Variants in EFCC1 observed in about 807,000 individuals in gnomAD.
The protein encoded by EFCC1 is EF-hand and coiled-coil domain-containing protein 1.
EFCC1 carries 50 observed loss-of-function variants against 52.1 expected under a neutral mutation model. The observed-to-expected ratio is 0.96, with a 90% CI of 0.76 to 1.21. EFCC1 has a LOEUF of 1.21. EFCC1 is among the 50% of genes most tolerant of loss of function. The pLI is 0.00. For synonymous variants in EFCC1, 399 were observed against 396.5 expected (o/e 1.01, Z -0.08); for missense variants, 837 against 867.3 (o/e 0.97, Z 0.44).
chr3:129,038,761 C>T, intron 6 of EFCC1, 70 bp from the exon 7 acceptor site: 1 of 1,509,858 alleles, frequency 6.6e-7, no homozygotes, highest in Non-Finnish European at 9.2e-7. Context: ...GTAGGGGCCA[C>T]CAGTTCCCAT....
chr3:129,033,431 C>G (rs1250315017), intron 4 of EFCC1, among the ~76,000 whole-genome samples: 5 of 152,300 alleles, frequency 3.3e-5, no homozygotes, highest in Admixed American at 2.6e-4. Context: ...TTCTCCGAAC[C>G]TCAGTCTTCT....
chr3:129,031,604 C>T (rs776074120), intron 3 of EFCC1, among the ~76,000 whole-genome samples: 9 of 152,168 alleles, frequency 5.9e-5, no homozygotes, highest in African/African-American at 1.7e-4. Context: ...CAGCCCAAAC[C>T]GGCTTAAGTT....
chr3:129,034,409 A>T (rs917599701), intron 5 of EFCC1, 80 bp downstream of exon 5: 2 of 1,492,514 alleles, frequency 1.3e-6, no homozygotes, highest in Non-Finnish European at 1.8e-6. Context: ...ATTGCAGCCA[A>T]GTCTTGTGCC....
chr3:129,039,585 A>G, intron 7 of EFCC1, 127 bp from the exon 8 acceptor site: 16 of 1,413,562 alleles, frequency 1.1e-5, no homozygotes, highest in Non-Finnish European at 1.4e-5. Flanking sequence ...AGAGCGAGGA[A>G]GCTGGGCAGG....
chr3:129,010,472 G>A lies in EFCC1; in HGVS notation c.980+6395G>A, dbSNP rs1945273276. ...GCCTGGCGGCCTGGCCTCTGGCTTT[G>A]TTGTTGGGGGAGGGTGAAAAGGCTG... On this transcript the variant is annotated intron_variant, in intron 2 of 7. Transcript: ENST00000683648. This position sits in a 1 kb window ranked among gnomAD's most constrained non-coding sequence, Gnocchi z 4.3. Among the ~76,000 whole-genome samples the A allele has an allele frequency of 6.7e-6, 1 of 148,470 alleles. No homozygotes were observed. Among genetic ancestry groups the A allele is most frequent in the Non-Finnish European group, 1.5e-5 (1 of 67,128 alleles).
intron 2 of EFCC1, among the ~76,000 whole-genome samples, chr3:129,009,754 C>T (rs1243095368): frequency 1.3e-5 from 2 of 152,200 alleles, no homozygotes; most frequent in South Asian, 4.1e-4. Context: ...CCTGTGGCAG[C>T]TCAAGACTGT....
In EFCC1 at chr3:129,003,908, G is replaced by T. The variant is rs986963883; in HGVS notation, c.811G>T (p.Ala271Ser). Residue 271 changes from alanine (A) to serine (S), a missense_variant, in exon 2 of 8, where the codon GCT (alanine) becomes TCT (serine). Coordinates refer to ENST00000683648, the MANE Select transcript of EFCC1 (RefSeq NM_001377500.1). ...CGCCCTGGCTGCGGCGGAGGCCCGCGCTGGGCGGCTGCGCCGTGGCCAGGC... is the reference window on the plus strand; with the variant it reads ...CGCCCTGGCTGCGGCGGAGGCCCGCTCTGGGCGGCTGCGCCGTGGCCAGGC... The part of the protein sequence containing the change: ...QGALAAAEAR[A>S]GRLRRGQAEV... 3.0e-6 allele frequency: 4 copies of T among 1,351,148 alleles called. No individual in the cohort carries two copies. Among genetic ancestry groups the T allele is most frequent in the Admixed American group, 3.7e-5 (1 of 27,366 alleles). The allele number at this position is 1,351,148 out of a possible 1,614,324, so 83.7% of individuals were successfully genotyped here.
intron 2 of EFCC1, among the ~76,000 whole-genome samples, chr3:129,023,179 G>T (rs1340092405): frequency 1.3e-5 from 2 of 152,230 alleles, no homozygotes; most frequent in Non-Finnish European, 2.9e-5. Context: ...GCAGAGGTTT[G>T]GGGAGCTCAG....
chr3:129,037,959 G>C (rs1333302618), intron 6 of EFCC1, among the ~76,000 whole-genome samples: 1 of 152,014 alleles, frequency 6.6e-6, no homozygotes, highest in Non-Finnish European at 1.5e-5. Context: ...AGCTACTTGG[G>C]AGGCTGAGGT....
chr3:129,024,646 A>G (rs1316663061), intron 2 of EFCC1, among the ~76,000 whole-genome samples: 1 of 152,180 alleles, frequency 6.6e-6, no homozygotes, highest in Non-Finnish European at 1.5e-5. Context: ...GCACCGTTCC[A>G]GGGAAGAAGG....
chr3:129,020,741 G>A (rs1261656021), intron 2 of EFCC1, among the ~76,000 whole-genome samples: 3 of 152,204 alleles, frequency 2.0e-5, no homozygotes. Context: ...ACAGACACAG[G>A]CCAGATGCCC....
In EFCC1 at chr3:129,023,441, G is replaced by A. The variant is rs12107669; in HGVS notation, c.981-7262G>A. Among the ~76,000 whole-genome samples the A allele has an allele frequency of 5.9e-3, 889 of 151,910 alleles. 13 individuals are homozygous for A. The highest frequency in any genetic ancestry group is 0.02 in the African/African-American group (844 of 41,424). ...CCTCCTGGGTTCACGGCATTCTCCT[G>A]CCTCAGCCTCCCGAGTAGCTGGGAC... On this transcript the variant is annotated intron_variant, in intron 2 of 7. Coordinates refer to ENST00000683648, the MANE Select transcript of EFCC1 (RefSeq NM_001377500.1).
intron 2 of EFCC1, among the ~76,000 whole-genome samples, chr3:129,013,057 T>C (rs1289155684): frequency 6.6e-6 from 1 of 152,216 alleles, no homozygotes; most frequent in African/African-American, 2.4e-5. Flanking sequence ...GAGGCCTGGC[T>C]TGTCCTGTAG....
chr3:129,005,924 CTTCT>C (rs1170235968), intron 2 of EFCC1, among the ~76,000 whole-genome samples: 1 of 152,266 alleles, frequency 6.6e-6, no homozygotes, highest in Non-Finnish European at 1.5e-5. Context: ...TAAAGGGGCT[CTTCT>C]TTGTTTATTT....
In EFCC1 at chr3:129,001,947, G is replaced by C; in HGVS notation, c.319G>C (p.Asp107His). ...GQAAGDGNSR[D>H]VTPGDAAAEL... Reference sequence around the variant, plus strand: ...GGCAGCAGGTGACGGGAACTCCAGAGATGTGACCCCCGGGGATGCGGCCGC... The same window carrying C: ...GGCAGCAGGTGACGGGAACTCCAGACATGTGACCCCCGGGGATGCGGCCGC... Residue 107 changes from aspartate to histidine, a missense_variant, in exon 1 of 8, where the codon GAT becomes CAT. Asp to His is a moderately conservative substitution (Grantham distance 81, BLOSUM62 -1). Transcript: ENST00000683648. The C allele has an allele frequency of 1.9e-6, 3 of 1,543,858 alleles. No homozygotes were observed. Among genetic ancestry groups the C allele is most frequent in the Non-Finnish European group, 2.6e-6 (3 of 1,144,094 alleles).
intron 2 of EFCC1, among the ~76,000 whole-genome samples, chr3:129,021,496 C>T (rs1332949195): frequency 6.6e-6 from 1 of 152,142 alleles, no homozygotes; most frequent in African/African-American, 2.4e-5. Flanking sequence ...ATCGCTTGAA[C>T]CCGGGAGGCG....
At position 129,010,695 on chromosome 3, in the gene EFCC1, G is replaced by A. The variant is rs1472626656; in HGVS notation, c.980+6618G>A. Among the ~76,000 whole-genome samples the A allele has an allele frequency of 2.6e-5, 4 of 152,220 alleles. No homozygotes were observed. Among genetic ancestry groups the A allele is most frequent in the Admixed American group, 2.6e-4 (4 of 15,288 alleles). On this transcript the variant is annotated intron_variant, in intron 2 of 7. Coordinates refer to ENST00000683648, the MANE Select transcript of EFCC1 (RefSeq NM_001377500.1). The surrounding 1 kb of genome is among the most constrained non-coding windows in gnomAD (Gnocchi z 4.3). ...GGTGGGAGGGAGGCAGATGAGTGGG[G>A]GCGAGCAGAGGGGGCATGGGGCACC...
intron 2 of EFCC1, among the ~76,000 whole-genome samples, chr3:129,027,392 A>T (rs1482274240): frequency 6.6e-6 from 1 of 152,100 alleles, no homozygotes; most frequent in Non-Finnish European, 1.5e-5. Context: ...CGGGCCCTCC[A>T]AGTGCCAAGT....
At position 129,005,436 on chromosome 3, in the gene EFCC1, C is replaced by T. The variant is rs1305451437; in HGVS notation, c.980+1359C>T. The stretch of plus-strand genomic sequence containing the variant: ...TGGAGGGGTAGAGCTGAAGGGAGGC[C>T]CATTTAGGGCCTGGAAGGTGGCAGC... On this transcript the variant is annotated intron_variant, in intron 2 of 7. Coordinates refer to ENST00000683648, the MANE Select transcript of EFCC1 (RefSeq NM_001377500.1). Among the ~76,000 whole-genome samples, 3 of 152,310 alleles carry T rather than the reference C, an allele frequency of 2.0e-5. No individual in the cohort carries two copies. In the East Asian group the frequency reaches 5.8e-4, roughly 29 times the overall value.
Sources: gnomAD v4.1 joint callset for allele counts (sites outside exome capture counted in the v4.1 genomes callset) on GRCh38, gnomAD v4.1.1 for gene constraint, Gnocchi (gnomAD v3.1) non-coding constraint, MANE v1.5 for transcripts, NCBI Gene and HGNC (gene_info 2026-07-23, HGNC 2026-07-21) for gene names.